ADGRL2: variants seen among roughly 807,000 people sequenced by gnomAD.
ADGRL2 encodes the protein calcium-independent alpha-latrotoxin receptor 2.
In ADGRL2, 44 loss-of-function variants were observed where a neutral mutation model predicts 157.4. The ratio of observed to expected loss-of-function variants is 0.28; its 90% CI spans 0.22 to 0.36. The LOEUF is 0.36. ADGRL2 is among the 10% of genes least tolerant of loss of function. The pLI is 1.00. For synonymous variants in ADGRL2, 585 were observed against 624.7 expected, an observed-to-expected ratio of 0.94 and a Z score of 0.95; for missense variants, 1,510 against 1,768.9, an observed-to-expected ratio of 0.85 and a Z score of 2.63.
intron 3 of ADGRL2, among the ~76,000 whole-genome samples, chr1:81,917,230 A>G (rs527625108): frequency 3.3e-5 from 5 of 152,274 alleles, no homozygotes; most frequent in South Asian, 2.1e-4. Context: ...TACCAAAACT[A>G]TGATAGTAAC....
At chr1:81,787,295 T>C (rs1031811135) in intron 2 of ADGRL2, among the ~76,000 whole-genome samples, 4 of 152,336 alleles carry the variant, frequency 2.6e-5, no homozygotes, top group Admixed American at 1.3e-4. Flanking sequence ...TTAGGTAATA[T>C]GAAAATAATC....
intron 1 of ADGRL2, among the ~76,000 whole-genome samples, chr1:81,367,383 C>G (rs1229085268): frequency 6.6e-6 from 1 of 152,072 alleles, no homozygotes; most frequent in Non-Finnish European, 1.5e-5. Context: ...TCCTGACCCC[C>G]AAATAGGCCC....
At chr1:81,479,513 G>A (rs892429164) in intron 2 of ADGRL2, among the ~76,000 whole-genome samples, 6 of 151,854 alleles carry the variant, frequency 4.0e-5, no homozygotes, top group African/African-American at 7.3e-5. Context: ...CTTCTTAAAC[G>A]CCTTTAGATA....
At chr1:81,953,148 G>A in intron 10 of ADGRL2, 123 bp downstream of exon 10, 1 of 753,264 alleles carries the variant, frequency 1.3e-6, no homozygotes, top group Non-Finnish European at 2.2e-6. Flanking sequence ...CCCCATATCA[G>A]CTGTACAAAT....
intron 2 of ADGRL2, among the ~76,000 whole-genome samples, chr1:81,527,999 G>A (rs1479099297): frequency 2.0e-5 from 3 of 152,070 alleles, no homozygotes; most frequent in Admixed American, 1.3e-4. Context: ...CCCGGGAGGC[G>A]GAGCTTGCAG....
At chr1:81,825,301 G>A in intron 1 of ADGRL2, among the ~76,000 whole-genome samples, 1 of 152,172 alleles carries the variant, frequency 6.6e-6, no homozygotes, top group East Asian at 1.9e-4. Context: ...GTTTAAGGCT[G>A]CATTGAGCTA....
At chr1:81,667,783 T>C (rs1272587206) in intron 3 of ADGRL2, among the ~76,000 whole-genome samples, 4 of 152,168 alleles carry the variant, frequency 2.6e-5, no homozygotes, top group African/African-American at 7.2e-5. Flanking sequence ...TGTCAAAATA[T>C]AGAGGTATAA....
chr1:81,790,074 A>G (rs1292780016), intron 2 of ADGRL2, among the ~76,000 whole-genome samples: 1 of 152,150 alleles, frequency 6.6e-6, no homozygotes, highest in Non-Finnish European at 1.5e-5. Flanking sequence ...GTTGATTCCA[A>G]TTTCTGAGGT....
At chr1:81,528,091 T>C (rs992066836) in intron 2 of ADGRL2, among the ~76,000 whole-genome samples, 2 of 152,134 alleles carry the variant, frequency 1.3e-5, no homozygotes. Flanking sequence ...AGGAAAAAGA[T>C]ATCTTCTTGC....
intron 2 of ADGRL2, among the ~76,000 whole-genome samples, chr1:81,764,609 G>C (rs2086046588): frequency 6.6e-6 from 1 of 152,014 alleles, no homozygotes; most frequent in Non-Finnish European, 1.5e-5. Flanking sequence ...ATAAAACCTA[G>C]GAGAGACTAG....
intron 3 of ADGRL2, among the ~76,000 whole-genome samples, chr1:81,680,479 A>C (rs1250013279): frequency 6.6e-6 from 1 of 152,108 alleles, no homozygotes; most frequent in Non-Finnish European, 1.5e-5. Context: ...AATCTTGAAA[A>C]AGACTGAATA....
At chr1:81,616,589 C>A (rs1285542194) in intron 3 of ADGRL2, among the ~76,000 whole-genome samples, 1 of 151,628 alleles carries the variant, frequency 6.6e-6, no homozygotes, top group Non-Finnish European at 1.5e-5. Flanking sequence ...CACTATGAGT[C>A]CTCTCACTTT....
intron 1 of ADGRL2, among the ~76,000 whole-genome samples, chr1:81,758,683 C>T (rs1234986369): frequency 1.3e-5 from 2 of 152,236 alleles, no homozygotes; most frequent in Admixed American, 1.3e-4. Context: ...AATTTAAGAA[C>T]GGAAAATAAA....
chr1:81,611,220 A>G (rs1049116111), intron 3 of ADGRL2, among the ~76,000 whole-genome samples: 6 of 152,208 alleles, frequency 3.9e-5, no homozygotes, highest in Non-Finnish European at 8.8e-5. Flanking sequence ...GAACAGTCAC[A>G]GGCCACATGA....
intron 1 of ADGRL2, among the ~76,000 whole-genome samples, chr1:81,723,809 C>T (rs1313562995): frequency 1.3e-5 from 2 of 151,578 alleles, no homozygotes; most frequent in East Asian, 1.9e-4. Context: ...CCTTAAATCT[C>T]ACCCTGTGGT....
At chr1:81,722,018 C>T (rs551186269) in intron 1 of ADGRL2, 9 of 463,938 alleles carry the variant, frequency 1.9e-5, no homozygotes, top group East Asian at 5.3e-5. Flanking sequence ...TAGGACCAGG[C>T]GCGGTGACTC....
chr1:81,748,206 C>T lies in ADGRL2; in HGVS notation c.-142-13605C>T, dbSNP rs534493774. Among the ~76,000 whole-genome samples, 7 of 151,926 alleles carry T rather than the reference C, an allele frequency of 4.6e-5. No homozygotes were observed. The South Asian group carries it at 1.2e-3, about 27-fold the overall frequency. Reference sequence around the variant, plus strand: ...TGAAAATAATAGAAGAGACCGGGTGCGGTGGCTCACGCCTGTAATCCCAGC... The same window carrying T: ...TGAAAATAATAGAAGAGACCGGGTGTGGTGGCTCACGCCTGTAATCCCAGC... On this transcript the variant is annotated intron_variant, in intron 1 of 20. Transcript: ENST00000359929.
intron 1 of ADGRL2, among the ~76,000 whole-genome samples, chr1:81,833,656 C>T (rs780321538): frequency 2.6e-5 from 4 of 152,030 alleles, no homozygotes; most frequent in Non-Finnish European, 4.4e-5. Context: ...AATTAGTTAG[C>T]GGTGTTGTCC....
intron 2 of ADGRL2, among the ~76,000 whole-genome samples, chr1:81,895,892 A>C (rs1233803364): frequency 6.6e-6 from 1 of 152,196 alleles, no homozygotes; most frequent in Non-Finnish European, 1.5e-5. Context: ...TTTTAGCATC[A>C]GTGACAAAAA....
Sources: gnomAD v4.1 joint callset for allele counts (sites outside exome capture counted in the v4.1 genomes callset) on GRCh38, gnomAD v4.1.1 for gene constraint, MANE v1.5 for transcripts, NCBI Gene and HGNC (gene_info 2026-07-23, HGNC 2026-07-21) for gene names.